The following CHCHD3 variants were observed in gnomAD, a reference collection of about 807,000 sequenced individuals.
The protein encoded by CHCHD3 is coiled-coil-helix-coiled-coil-helix domain containing 3.
Under a neutral mutation model 38.2 loss-of-function variants are expected in CHCHD3, and 20 were observed. That is an observed-to-expected ratio of 0.52 (90% CI 0.37 to 0.76). The LOEUF is 0.76. Among genes scored for constraint, CHCHD3 ranks in the 30% least tolerant of loss-of-function variants. The pLI is 0.00. For missense variants in CHCHD3, 245 were observed against 279.2 expected (o/e 0.88, Z 0.87); for synonymous variants, 82 against 100.0 (o/e 0.82, Z 1.07).
chr7:133,074,484 A>AGAAACTGG (rs1814918520), intron 1 of CHCHD3, among the ~76,000 whole-genome samples: 1 of 152,136 alleles, frequency 6.6e-6, no homozygotes, highest in Non-Finnish European at 1.5e-5. Context: ...TGAGAAACTG[A>AGAAACTGG]GACACATCCT....
At chr7:132,841,570 T>C (rs189865591) in intron 5 of CHCHD3, among the ~76,000 whole-genome samples, 2 of 151,964 alleles carry the variant, frequency 1.3e-5, no homozygotes, top group Admixed American at 6.6e-5. Flanking sequence ...AAAAAAGTGG[T>C]AGATCTGATC....
intron 5 of CHCHD3, among the ~76,000 whole-genome samples, chr7:132,842,738 G>T (rs755934064): frequency 6.6e-6 from 1 of 152,154 alleles, no homozygotes; most frequent in Non-Finnish European, 1.5e-5. Context: ...CTACTGGGAA[G>T]AATTCTACAG....
At chr7:132,851,212 C>G (rs1242772455) in intron 5 of CHCHD3, among the ~76,000 whole-genome samples, 1 of 152,124 alleles carries the variant, frequency 6.6e-6, no homozygotes, top group South Asian at 2.1e-4. Context: ...TTATAGCCTT[C>G]TATAACAATT....
chr7:132,868,178 CCTAA>C (rs1400967668), intron 5 of CHCHD3, among the ~76,000 whole-genome samples: 1 of 151,978 alleles, frequency 6.6e-6, no homozygotes, highest in Admixed American at 6.5e-5. Context: ...ATTTAAAAGG[CCTAA>C]CTAACCAATA....
intron 6 of CHCHD3, among the ~76,000 whole-genome samples, chr7:132,832,096 C>A (rs1340768102): frequency 6.6e-6 from 1 of 152,036 alleles, no homozygotes; most frequent in Admixed American, 6.6e-5. Flanking sequence ...ATTTTAAAGT[C>A]AAAGGGTTTT....
chr7:132,785,749 T>C, intron 7 of CHCHD3, 89 bp from the exon 8 acceptor site: 2 of 1,332,728 alleles, frequency 1.5e-6, no homozygotes, highest in Non-Finnish European at 2.1e-6. Flanking sequence ...TTGTGTTGCT[T>C]TTCAAATATC....
intron 1 of CHCHD3, among the ~76,000 whole-genome samples, chr7:133,076,572 C>T (rs892984102): frequency 6.6e-6 from 1 of 152,188 alleles, no homozygotes; most frequent in African/African-American, 2.4e-5. Flanking sequence ...ACTCACCACA[C>T]CAATGTGCTC....
At chr7:132,919,765 CTG>C (rs1000639251) in intron 4 of CHCHD3, among the ~76,000 whole-genome samples, 7 of 152,308 alleles carry the variant, frequency 4.6e-5, no homozygotes, top group Admixed American at 3.9e-4. Flanking sequence ...GCTTTGGCGA[CTG>C]TGCTCCTTGG....
chr7:132,896,084 AT>A (rs141389721), intron 4 of CHCHD3, among the ~76,000 whole-genome samples: 2,113 of 152,300 alleles, frequency 0.014, 54 homozygotes, highest in African/African-American at 0.048. Context: ...GTTATCTATC[AT>A]CTGGTGGTTG....
chr7:132,930,275 C>T (rs1024717337), intron 4 of CHCHD3, among the ~76,000 whole-genome samples: 3 of 150,968 alleles, frequency 2.0e-5, no homozygotes, highest in Admixed American at 6.6e-5. Flanking sequence ...CAAGCAATTC[C>T]CCTGCCTCAG....
At chr7:132,982,892 T>G (rs1585698481) in intron 3 of CHCHD3, among the ~76,000 whole-genome samples, 2 of 152,178 alleles carry the variant, frequency 1.3e-5, no homozygotes, top group African/African-American at 2.4e-5. Flanking sequence ...TTGTAGCAAT[T>G]TGATAAAACT....
At chr7:133,003,327 G>T (rs1018832135) in intron 3 of CHCHD3, among the ~76,000 whole-genome samples, 1 of 152,290 alleles carries the variant, frequency 6.6e-6, no homozygotes, top group East Asian at 1.9e-4. Context: ...AAAATAAATT[G>T]AGGCCTGTGT....
rs1808086075 is a variant in CHCHD3 at position 132,846,743 on chromosome 7, A to G, written c.454-8274T>C. On this transcript the variant is annotated intron_variant, in intron 5 of 7. Coordinates refer to ENST00000262570, the MANE Select transcript of CHCHD3 (RefSeq NM_017812.4). Reference sequence around the variant, plus strand: ...ACTTCAACTGTTGCTCATATTTAAAACAGGATGGGATAGAGACAAGTCTAA... The same window carrying G: ...ACTTCAACTGTTGCTCATATTTAAAGCAGGATGGGATAGAGACAAGTCTAA... 2.0e-5 allele frequency among the ~76,000 whole-genome samples: 3 copies of G among 152,210 alleles called. No individual in the cohort carries two copies. In the South Asian group the frequency reaches 6.2e-4, roughly 32 times the overall value.
In CHCHD3 at chr7:132,888,057, T is replaced by C. The variant is rs1809259979; in HGVS notation, c.370-2312A>G. ...ACCAATCCAATGGCTAAATGAAATA[T>C]GTACTCAAAGTATACCACTTAAAAA... On this transcript the variant is annotated intron_variant, in intron 4 of 7. Transcript: ENST00000262570. Among the ~76,000 whole-genome samples the C allele has an allele frequency of 4.0e-5, 6 of 151,712 alleles. No homozygotes were observed. The South Asian group carries it at 1.2e-3, about 32-fold the overall frequency.
At chr7:132,813,398 T>C (rs1049083300) in intron 6 of CHCHD3, 1 of 152,234 alleles carries the variant, frequency 6.6e-6, no homozygotes, top group Non-Finnish European at 1.5e-5. Flanking sequence ...AAAATATGCA[T>C]ATCCAAAACG....
At chr7:132,927,436 G>A (rs1810403003) in intron 4 of CHCHD3, among the ~76,000 whole-genome samples, 1 of 152,208 alleles carries the variant, frequency 6.6e-6, no homozygotes, top group Admixed American at 6.5e-5. Context: ...TGCAGGGACA[G>A]CAGGTAACTT....
intron 5 of CHCHD3, among the ~76,000 whole-genome samples, chr7:132,850,359 A>G (rs1808184361): frequency 6.6e-6 from 1 of 152,010 alleles, no homozygotes; most frequent in Non-Finnish European, 1.5e-5. Flanking sequence ...ATATAAAGAA[A>G]CAGAGCTATT....
At chr7:133,023,324 T>C (rs931793710) in intron 3 of CHCHD3, among the ~76,000 whole-genome samples, 2 of 152,210 alleles carry the variant, frequency 1.3e-5, no homozygotes, top group African/African-American at 4.8e-5. Flanking sequence ...TTTGTGTAAA[T>C]TGGGAGTTAG....
At chr7:133,057,000 A>T (rs777130426) in intron 2 of CHCHD3, among the ~76,000 whole-genome samples, 1 of 152,114 alleles carries the variant, frequency 6.6e-6, no homozygotes, top group East Asian at 1.9e-4. Context: ...TCCATTTCCC[A>T]TGTGAAGAAC....
Sources: allele counts gnomAD v4.1 joint callset (sites outside exome capture counted in the v4.1 genomes callset), GRCh38; gene constraint gnomAD v4.1.1; transcripts MANE v1.5; gene names NCBI Gene and HGNC (gene_info 2026-07-23, HGNC 2026-07-21).